Variants in AMBRA1 observed in about 807,000 individuals in gnomAD.
AMBRA1 encodes autophagy and beclin 1 regulator 1.
A neutral mutation model predicts 125.4 loss-of-function variants in AMBRA1; 47 were observed. The ratio of observed to expected loss-of-function variants is 0.37; its 90% CI spans 0.30 to 0.48. The LOEUF is 0.48. Among genes scored for constraint, AMBRA1 ranks in the 20% least tolerant of loss-of-function variants. The pLI, the probability that AMBRA1 is intolerant of heterozygous loss-of-function variation, is 0.99. For synonymous variants in AMBRA1, 626 were observed against 655.5 expected (o/e 0.95, Z 0.69); for missense variants, 1,331 against 1,693.4 (o/e 0.79, Z 3.76).
At chr11:46,411,173 C>G (rs1234475856) in intron 15 of AMBRA1, among the ~76,000 whole-genome samples, 1 of 151,438 alleles carries the variant, frequency 6.6e-6, no homozygotes, top group East Asian at 1.9e-4. Flanking sequence ...CAGGCTCTCG[C>G]CCCTGGGGCG....
At position 46,589,427 on chromosome 11, in the gene AMBRA1, A is replaced by G. The variant is rs149298986; in HGVS notation, c.-121+4401T>C. ...GGAACAATTGGAGAATGAAACAAGA[A>G]TGACTGTGATTAAAGGAACCTAAGT... On this transcript the variant is annotated intron_variant, in intron 1 of 17. Transcript: ENST00000683756. 6.3e-3 allele frequency among the ~76,000 whole-genome samples: 964 copies of G among 152,312 alleles called. 10 individuals are homozygous for G. The highest frequency in any genetic ancestry group is 0.015 in the African/African-American group (639 of 41,566).
chr11:46,589,473 C>G (rs1359029913), intron 1 of AMBRA1, among the ~76,000 whole-genome samples: 1 of 152,120 alleles, frequency 6.6e-6, no homozygotes, highest in Non-Finnish European at 1.5e-5. Context: ...TAAACCAAAC[C>G]ACTGGGCAAA....
intron 7 of AMBRA1, among the ~76,000 whole-genome samples, chr11:46,540,107 C>T (rs892127862): frequency 2.0e-5 from 3 of 152,324 alleles, no homozygotes; most frequent in Non-Finnish European, 2.9e-5. Flanking sequence ...TCTTGGATGA[C>T]AGGCGTGAGC....
chr11:46,589,392 G>C (rs375977019), intron 1 of AMBRA1, among the ~76,000 whole-genome samples: 2 of 152,274 alleles, frequency 1.3e-5, no homozygotes, highest in East Asian at 3.9e-4. Flanking sequence ...AGCTCTCTCT[G>C]AGTTTATGAG....
At chr11:46,507,206 A>G (rs1264161091) in intron 9 of AMBRA1, among the ~76,000 whole-genome samples, 2 of 132,474 alleles carry the variant, frequency 1.5e-5, no homozygotes, top group African/African-American at 5.9e-5. Context: ...AAGGCTTGGC[A>G]CGGTGGGTCA....
intron 17 of AMBRA1, among the ~76,000 whole-genome samples, chr11:46,405,892 C>T (rs1045287612): frequency 6.6e-6 from 1 of 151,624 alleles, no homozygotes; most frequent in Non-Finnish European, 1.5e-5. Context: ...CCACCATGCT[C>T]GGCTAATTTT....
intron 17 of AMBRA1, among the ~76,000 whole-genome samples, chr11:46,407,704 G>A (rs1490656713): frequency 1.3e-5 from 2 of 152,252 alleles, no homozygotes; most frequent in Non-Finnish European, 1.5e-5. Flanking sequence ...ATTCCCTGGG[G>A]TGATAGGCAC....
intron 9 of AMBRA1, among the ~76,000 whole-genome samples, chr11:46,507,410 C>T (rs1306804419): frequency 3.4e-5 from 5 of 148,254 alleles, no homozygotes; most frequent in Admixed American, 6.9e-5. Context: ...ACTCGGGAGG[C>T]GGAGCTTGCA....
intron 7 of AMBRA1, among the ~76,000 whole-genome samples, chr11:46,525,613 T>C (rs1951934106): frequency 6.7e-6 from 1 of 150,204 alleles, no homozygotes; most frequent in African/African-American, 2.5e-5. Context: ...TAGCTGGGAG[T>C]GGTAGCACGT....
At chr11:46,466,131 C>T (rs1949313659) in intron 11 of AMBRA1, among the ~76,000 whole-genome samples, 1 of 152,166 alleles carries the variant, frequency 6.6e-6, no homozygotes, top group African/African-American at 2.4e-5. Context: ...GTAAGATGTA[C>T]TTCTTGCTTG....
At chr11:46,403,656 G>A (rs1278832372) in intron 17 of AMBRA1, among the ~76,000 whole-genome samples, 1 of 152,162 alleles carries the variant, frequency 6.6e-6, no homozygotes, top group Admixed American at 6.5e-5. Flanking sequence ...GTCAAATTCT[G>A]GGAGAAGTCA....
intron 1 of AMBRA1, among the ~76,000 whole-genome samples, chr11:46,566,496 C>G (rs1423248442): frequency 6.6e-6 from 1 of 151,754 alleles, no homozygotes; most frequent in Non-Finnish European, 1.5e-5. Flanking sequence ...GTGAAAAAGG[C>G]CAATCCAAAT....
chr11:46,433,358 C>T (rs149943626), intron 14 of AMBRA1, 116 bp downstream of exon 14: 3 of 1,337,248 alleles, frequency 2.2e-6, no homozygotes, highest in African/African-American at 1.5e-5. Context: ...TTCCTTACTC[C>T]TTATGACTGT....
At chr11:46,495,065 T>G (rs1405762411) in intron 9 of AMBRA1, 1 of 152,234 alleles carries the variant, frequency 6.6e-6, no homozygotes, top group Non-Finnish European at 1.5e-5. Context: ...AAGATTGGAC[T>G]TTGAAGTCCT....
intron 8 of AMBRA1, among the ~76,000 whole-genome samples, chr11:46,509,885 G>T (rs926166306): frequency 2.0e-5 from 3 of 151,980 alleles, no homozygotes; most frequent in Admixed American, 6.6e-5. Context: ...GAAAAAAATT[G>T]ATTAAGAACA....
chr11:46,547,386 A>AC, intron 3 of AMBRA1, 90 bp from the exon 4 acceptor site: 1 of 1,131,696 alleles, frequency 8.8e-7, no homozygotes, highest in Non-Finnish European at 1.2e-6. Context: ...TATTGATGCT[A>AC]CCTGCCAATC....
intron 7 of AMBRA1, among the ~76,000 whole-genome samples, chr11:46,537,672 A>G (rs1222514250): frequency 6.6e-6 from 1 of 152,208 alleles, no homozygotes; most frequent in Non-Finnish European, 1.5e-5. Flanking sequence ...GCCCACAGGC[A>G]AAAGGAGACA....
chr11:46,436,571 G>A (rs1269947257), intron 12 of AMBRA1, among the ~76,000 whole-genome samples: 1 of 152,002 alleles, frequency 6.6e-6, no homozygotes, highest in Non-Finnish European at 1.5e-5. Context: ...AGCCTGTAAG[G>A]CTAGATTTAT....
intron 1 of AMBRA1, among the ~76,000 whole-genome samples, chr11:46,586,716 C>G (rs2044414261): frequency 1.3e-5 from 2 of 152,172 alleles, no homozygotes; most frequent in Non-Finnish European, 2.9e-5. Flanking sequence ...TTAGTTCTTA[C>G]AACAACTGTA....
Sources: gnomAD v4.1 joint callset for allele counts (sites outside exome capture counted in the v4.1 genomes callset) on GRCh38, gnomAD v4.1.1 for gene constraint, MANE v1.5 for transcripts, NCBI Gene and HGNC (gene_info 2026-07-23, HGNC 2026-07-21) for gene names.